Variants in VPS13A observed in about 807,000 individuals in gnomAD.
VPS13A encodes vacuolar protein sorting 13 homolog A.
A neutral mutation model predicts 390.9 loss-of-function variants in VPS13A; 264 were observed. The observed-to-expected ratio is 0.68, with a 90% CI of 0.61 to 0.75. The LOEUF (loss-of-function observed/expected upper bound fraction) is 0.75. Ranked by LOEUF, VPS13A falls within the 30% of genes least tolerant of loss-of-function variation. VPS13A has a pLI of 0.00. For missense variants in VPS13A, 3,409 were observed against 3,733.9 expected, an observed-to-expected ratio of 0.91 and a Z score of 2.27; for synonymous variants, 1,231 against 1,227.1, an observed-to-expected ratio of 1.00 and a Z score of -0.07.
chr9:77,356,444 C>T (rs1399252279), intron 54 of VPS13A, among the ~76,000 whole-genome samples: 1 of 152,074 alleles, frequency 6.6e-6, no homozygotes, highest in Non-Finnish European at 1.5e-5. Context: ...ATTTTGTTTA[C>T]TATTTATTTT....
chr9:77,373,718 A>C (rs1832915584), intron 67 of VPS13A, among the ~76,000 whole-genome samples: 2 of 151,520 alleles, frequency 1.3e-5, no homozygotes, highest in South Asian at 4.2e-4. Context: ...AATGGGAGAA[A>C]ATTTTCGCAA....
intron 22 of VPS13A, among the ~76,000 whole-genome samples, chr9:77,257,963 C>T (rs976873238): frequency 6.6e-6 from 1 of 152,050 alleles, no homozygotes; most frequent in African/African-American, 2.4e-5. Flanking sequence ...GAGTTATAAA[C>T]CAAAATTCTA....
chr9:77,405,388 T>C lies in VPS13A; in HGVS notation c.9276-476T>C, dbSNP rs184717524. ...AATTATATGAAAGTTCCTCCAAATA[T>C]TGGCTGATAGTTGGTTCTGTAAATG... On this transcript the variant is annotated intron_variant, in intron 69 of 71. Coordinates refer to ENST00000360280, the MANE Select transcript of VPS13A (RefSeq NM_033305.3). Among the ~76,000 whole-genome samples, 110 of 152,330 alleles carry C rather than the reference T, an allele frequency of 7.2e-4. 2 individuals are homozygous for C. Among genetic ancestry groups the C allele is most frequent in the Non-Finnish European group, 2.6e-4 (18 of 68,024 alleles).
chr9:77,182,804 C>A (rs1434000356), intron 1 of VPS13A, among the ~76,000 whole-genome samples: 3 of 152,072 alleles, frequency 2.0e-5, no homozygotes, highest in African/African-American at 7.2e-5. Context: ...GTTCAGATTT[C>A]TTGTCTATTA....
rs149696636 is a variant in VPS13A, at chr9:77,403,713, C to G, written c.9275+392C>G. On this transcript the variant is annotated intron_variant, in intron 69 of 71. Coordinates refer to ENST00000360280, the MANE Select transcript of VPS13A (RefSeq NM_033305.3). ...ATATAGATTGACGTAAGTGGATATA[C>G]TAGTAGAAGCAGATAAAATTTTAGG... is the stretch of plus-strand genomic sequence containing the variant. Among the ~76,000 whole-genome samples, 868 of 152,242 alleles carry G rather than the reference C, an allele frequency of 5.7e-3. 12 individuals carry two copies. The highest frequency in any genetic ancestry group is 0.02 in the African/African-American group (838 of 41,530).
chr9:77,199,888 A>T, intron 1 of VPS13A, 57 bp from the exon 2 acceptor site: 2 of 1,462,548 alleles, frequency 1.4e-6, no homozygotes, highest in African/African-American at 1.4e-5. Flanking sequence ...CATACATATT[A>T]ACTTTTTAAA....
At position 77,400,382 on chromosome 9, in the gene VPS13A, A is replaced by T. The variant is rs532360158; in HGVS notation, c.9190-2854A>T. 2.0e-5 allele frequency among the ~76,000 whole-genome samples: 3 copies of T among 151,978 alleles called. No homozygotes were observed. The East Asian group carries it at 5.8e-4, about 29-fold the overall frequency. On this transcript the variant is annotated intron_variant, in intron 68 of 71. Transcript: ENST00000360280. The stretch of plus-strand genomic sequence containing the variant: ...TCTCTGTATTGACAAATATTTTCCC[A>T]AATTGTCCTTTGATTTTTCTGTTAT...
intron 2 of VPS13A, among the ~76,000 whole-genome samples, chr9:77,200,842 G>C (rs1434776729): frequency 6.6e-6 from 1 of 152,100 alleles, no homozygotes; most frequent in Non-Finnish European, 1.5e-5. Flanking sequence ...CTTAGGTTTA[G>C]ATCTTAGATC....
rs1823714496 is a variant in VPS13A, at chr9:77,177,661, A to G, written c.-44A>G. The G allele has an allele frequency of 1.3e-6, 2 of 1,567,892 alleles. No individual in the cohort carries two copies. The highest frequency in any genetic ancestry group is 1.1e-5 in the South Asian group (1 of 90,156). The stretch of plus-strand genomic sequence containing the variant: ...GGGGCGTGGGGAAGGCGGCGGGAGG[A>G]GGAGCGCACGGGCCGGCTGCCGTGC... On this transcript the variant is annotated 5_prime_UTR_variant, in exon 1 of 72. Transcript: ENST00000360280.
At chr9:77,239,813 A>G (rs10869915) in intron 19 of VPS13A, among the ~76,000 whole-genome samples, 26,582 of 151,814 alleles carry the variant, frequency 0.18, 2,989 homozygotes, top group East Asian at 0.39. Flanking sequence ...ATTCTAGGAT[A>G]CCTTTCTTCC....
intron 67 of VPS13A, among the ~76,000 whole-genome samples, chr9:77,379,094 GAT>G (rs1833282383): frequency 1.0e-5 from 1 of 96,082 alleles, no homozygotes; most frequent in African/African-American, 4.2e-5. Context: ...TTTTTTGTGA[GAT>G]AGAGTCTCAC....
chr9:77,248,942 G>A (rs1824992286), intron 20 of VPS13A, among the ~76,000 whole-genome samples: 1 of 152,194 alleles, frequency 6.6e-6, no homozygotes. Context: ...ATGCTGGTCA[G>A]GCTGGTCTTG....
chr9:77,229,698 T>A (rs1823716308), intron 17 of VPS13A, among the ~76,000 whole-genome samples: 1 of 152,200 alleles, frequency 6.6e-6, no homozygotes, highest in Non-Finnish European at 1.5e-5. Context: ...TTGTTCCTTC[T>A]TTTTGGCTCT....
At chr9:77,353,958 A>G (rs775521720) in intron 54 of VPS13A, among the ~76,000 whole-genome samples, 69 of 152,234 alleles carry the variant, frequency 4.5e-4, no homozygotes, top group Non-Finnish European at 3.5e-4. Context: ...ACCATCTAGC[A>G]CAGTTCAGGG....
intron 52 of VPS13A, chr9:77,351,101 TA>T: frequency 2.1e-6 from 1 of 478,082 alleles, no homozygotes; most frequent in South Asian, 2.1e-5. Flanking sequence ...CTTTATTTCC[TA>T]AGTAGAACAT....
chr9:77,276,033 T>TA, intron 25 of VPS13A, 32 bp from the exon 26 acceptor site: 2 of 1,605,968 alleles, frequency 1.2e-6, no homozygotes, highest in Non-Finnish European at 1.7e-6. Flanking sequence ...TTGTTTTATG[T>TA]AGTGGTAATT....
At chr9:77,268,557 T>C (rs1384943623) in intron 23 of VPS13A, among the ~76,000 whole-genome samples, 1 of 152,178 alleles carries the variant, frequency 6.6e-6, no homozygotes, top group East Asian at 1.9e-4. Context: ...TCTGCATTGA[T>C]ATTGCCTGGA....
intron 3 of VPS13A, among the ~76,000 whole-genome samples, chr9:77,202,823 A>G (rs1236429819): frequency 6.6e-6 from 1 of 152,188 alleles, no homozygotes; most frequent in East Asian, 1.9e-4. Context: ...ACTAAACCCA[A>G]GATAATTTTG....
intron 45 of VPS13A, among the ~76,000 whole-genome samples, chr9:77,327,790 C>G (rs1830087539): frequency 6.6e-6 from 1 of 152,088 alleles, no homozygotes; most frequent in African/African-American, 2.4e-5. Flanking sequence ...AATTCTAGTT[C>G]TCTTGCTATA....
Sources: allele counts gnomAD v4.1 joint callset (sites outside exome capture counted in the v4.1 genomes callset), GRCh38; gene constraint gnomAD v4.1.1; transcripts MANE v1.5; gene names NCBI Gene and HGNC (gene_info 2026-07-23, HGNC 2026-07-21).